Variants in XYLT1 observed in about 807,000 individuals in gnomAD.
XYLT1 encodes the protein xylosyltransferase 1.
In XYLT1, 36 loss-of-function variants were observed where a neutral mutation model predicts 91.3. The observed-to-expected ratio is 0.39, with a 90% CI of 0.30 to 0.52. The LOEUF (loss-of-function observed/expected upper bound fraction) is 0.52, where lower values mean the gene tolerates loss of function less well. Ranked by LOEUF, XYLT1 falls within the 20% of genes least tolerant of loss-of-function variation. XYLT1 has a pLI of 0.68. For missense variants in XYLT1, 1,242 were observed against 1,284.5 expected (o/e 0.97, Z 0.51); for synonymous variants, 588 against 532.0 (o/e 1.11, Z -1.45).
chr16:17,272,153 G>GTTTTTTTT (rs35561235), intron 2 of XYLT1, among the ~76,000 whole-genome samples: 1 of 80,312 alleles, frequency 1.2e-5, no homozygotes, highest in East Asian at 3.0e-4. Context: ...TTTGTTGTTG[G>GTTTTTTTT]TTTTTTTTTT....
At chr16:17,225,152 T>TACACACAC (rs751269290) in intron 3 of XYLT1, among the ~76,000 whole-genome samples, 1 of 147,496 alleles carries the variant, frequency 6.8e-6, no homozygotes, top group African/African-American at 2.5e-5. Flanking sequence ...ATTCTTATTT[T>TACACACAC]ACACACACAC....
At chr16:17,446,190 C>CA (rs2036588931) in intron 1 of XYLT1, 1 of 152,194 alleles carries the variant, frequency 6.6e-6, no homozygotes, top group African/African-American at 2.4e-5. Context: ...GGGCACTGCA[C>CA]AAAGGTGTCC....
intron 1 of XYLT1, among the ~76,000 whole-genome samples, chr16:17,463,511 G>C (rs373323917): frequency 6.6e-6 from 1 of 152,112 alleles, no homozygotes; most frequent in East Asian, 1.9e-4. Flanking sequence ...TGAGTCAAAA[G>C]CACAGTGAGA....
intron 1 of XYLT1, among the ~76,000 whole-genome samples, chr16:17,414,098 C>T (rs1188320176): frequency 6.6e-6 from 1 of 152,174 alleles, no homozygotes; most frequent in East Asian, 1.9e-4. Context: ...CTGTCTTCTG[C>T]CTCCAAACCA....
chr16:17,105,655 C>G lies in XYLT1; in HGVS notation c.*3040G>C, dbSNP rs1373141674. 1 of 152,068 alleles carries G rather than the reference C, an allele frequency of 6.6e-6. No individual in the cohort carries two copies. Among genetic ancestry groups the G allele is most frequent in the South Asian group, 2.1e-4 (1 of 4,820 alleles). 9.4% of individuals were successfully genotyped at this position (152,068 alleles called of 1,614,324 possible). A position where few individuals can be genotyped will look rare whatever the true frequency, so the allele number is the denominator to read the frequency against. On this transcript the variant is annotated 3_prime_UTR_variant, in exon 12 of 12. Coordinates refer to ENST00000261381, the MANE Select transcript of XYLT1 (RefSeq NM_022166.4). ...AAAGAATGCTTCCTTCTCCACAAAC[C>G]AATACCCCAAGGCCCACCTGTCAGC...
At chr16:17,198,581 C>T (rs1418242427) in intron 4 of XYLT1, among the ~76,000 whole-genome samples, 167 bp from the exon 5 acceptor site, 1 of 152,134 alleles carries the variant, frequency 6.6e-6, no homozygotes, top group Non-Finnish European at 1.5e-5. Context: ...TTCTGTACTG[C>T]AATTCAAACT....
intron 8 of XYLT1, among the ~76,000 whole-genome samples, chr16:17,135,175 CAGCAAT>C (rs747923626): frequency 4.6e-5 from 7 of 152,108 alleles, no homozygotes; most frequent in Non-Finnish European, 1.0e-4. Context: ...TCTCTTTAAA[CAGCAAT>C]AGATCTGGCA....
At chr16:17,306,273 A>G (rs2034469021) in intron 2 of XYLT1, among the ~76,000 whole-genome samples, 3 of 152,226 alleles carry the variant, frequency 2.0e-5, no homozygotes, top group African/African-American at 7.2e-5. Flanking sequence ...TGGGAGAGAG[A>G]GAACAAGAGA....
At chr16:17,448,323 C>T (rs986685051) in intron 1 of XYLT1, among the ~76,000 whole-genome samples, 1 of 152,316 alleles carries the variant, frequency 6.6e-6, no homozygotes, top group South Asian at 2.1e-4. Flanking sequence ...CGAGATTGCG[C>T]CACTGCACTC....
intron 2 of XYLT1, among the ~76,000 whole-genome samples, chr16:17,299,681 C>A (rs1435248052): frequency 6.6e-6 from 1 of 152,016 alleles, no homozygotes; most frequent in East Asian, 1.9e-4. Flanking sequence ...GCTTTTTGTC[C>A]CCTGCAGAAT....
chr16:17,280,955 T>C (rs1466420362), intron 2 of XYLT1, among the ~76,000 whole-genome samples: 2 of 152,186 alleles, frequency 1.3e-5, no homozygotes, highest in Admixed American at 6.5e-5. Flanking sequence ...TCTGGGAGCC[T>C]TCACAAAATG....
At chr16:17,199,720 G>GT (rs947421771) in intron 4 of XYLT1, among the ~76,000 whole-genome samples, 58 of 152,308 alleles carry the variant, frequency 3.8e-4, no homozygotes, top group African/African-American at 1.3e-3. Context: ...CTGCCGCCAT[G>GT]TAAGACTTGC....
chr16:17,221,422 A>T (rs2032966011), intron 3 of XYLT1, among the ~76,000 whole-genome samples: 1 of 152,166 alleles, frequency 6.6e-6, no homozygotes, highest in Admixed American at 6.6e-5. Flanking sequence ...ACTGAGACAG[A>T]TGCCATCATT....
chr16:17,242,117 T>C (rs1596443806), intron 3 of XYLT1, among the ~76,000 whole-genome samples: 2 of 152,068 alleles, frequency 1.3e-5, no homozygotes, highest in Non-Finnish European at 2.9e-5. Context: ...TCCCACTAGG[T>C]CCCTCCCATG....
intron 2 of XYLT1, among the ~76,000 whole-genome samples, chr16:17,327,620 C>A (rs1243517745): frequency 8.4e-6 from 1 of 119,180 alleles, no homozygotes; most frequent in African/African-American, 3.1e-5. Flanking sequence ...CCCCCCCCCC[C>A]CCCCCCCCGC....
At chr16:17,129,775 C>T (rs757724452) in intron 9 of XYLT1, among the ~76,000 whole-genome samples, 2 of 152,172 alleles carry the variant, frequency 1.3e-5, no homozygotes, top group Non-Finnish European at 2.9e-5. Context: ...ACTGAAGTAG[C>T]CACTTGTGGC....
At chr16:17,337,216 C>G (rs2034993043) in intron 2 of XYLT1, among the ~76,000 whole-genome samples, 1 of 152,106 alleles carries the variant, frequency 6.6e-6, no homozygotes, top group African/African-American at 2.4e-5. Flanking sequence ...GAGACAGGGT[C>G]TTACTCTGTC....
intron 2 of XYLT1, among the ~76,000 whole-genome samples, chr16:17,289,948 A>G (rs192810618): frequency 1.3e-5 from 2 of 152,368 alleles, no homozygotes; most frequent in Admixed American, 1.3e-4. Context: ...CTTGAAGCAA[A>G]TGAAATCCCA....
At chr16:17,459,097 C>G (rs551609601) in intron 1 of XYLT1, among the ~76,000 whole-genome samples, 2 of 152,108 alleles carry the variant, frequency 1.3e-5, no homozygotes, top group South Asian at 4.1e-4. Flanking sequence ...GTGAGCCAGA[C>G]GTGGTGGCTC....
Sources: gnomAD v4.1 joint callset for allele counts (sites outside exome capture counted in the v4.1 genomes callset) on GRCh38, gnomAD v4.1.1 for gene constraint, MANE v1.5 for transcripts, NCBI Gene and HGNC (gene_info 2026-07-23, HGNC 2026-07-21) for gene names.